Variants in IMPG2 observed in about 807,000 individuals in gnomAD.
IMPG2 encodes the protein IPM 200.
IMPG2 carries 91 observed loss-of-function variants against 129.2 expected under a neutral mutation model. That is an observed-to-expected ratio of 0.70 (90% CI 0.59 to 0.84). The LOEUF (loss-of-function observed/expected upper bound fraction) is 0.84. IMPG2 is among the 40% of genes least tolerant of loss of function. The pLI is 0.00. For missense variants in IMPG2, 1,430 were observed against 1,461.7 expected (o/e 0.98, Z 0.35); for synonymous variants, 510 against 517.7 (o/e 0.99, Z 0.20).
chr3:101,304,269 A>G lies in IMPG2; in HGVS notation c.378T>C (p.Asp126=). The G allele has an allele frequency of 6.2e-7, 1 of 1,613,956 alleles. No individual in the cohort carries two copies. The change falls in exon 3 of 19, where the codon GAT becomes GAC. Residue 126 remains aspartate, a synonymous_variant. Transcript: ENST00000193391. ...AVWEAFRTFW[D]RLPGREEYHY... is the part of the protein sequence containing the mutation. ...GATATTCCTCACGCCCAGGAAGTCG[A>G]TCCCAAAAAGTCCTGAAGGCTTCCC...
chr3:101,292,315 G>A (rs1707027150), intron 3 of IMPG2, among the ~76,000 whole-genome samples: 2 of 152,124 alleles, frequency 1.3e-5, no homozygotes. Flanking sequence ...TATATTACAG[G>A]TTTGGTTCCA....
chr3:101,242,939 C>G, intron 13 of IMPG2, 32 bp from the exon 14 acceptor site: 2 of 1,562,472 alleles, frequency 1.3e-6, no homozygotes, highest in Non-Finnish European at 1.8e-6. Context: ...AGTTTATTGA[C>G]AGCGTGTCAC....
At chr3:101,274,558 T>A (rs1372735604) in intron 6 of IMPG2, among the ~76,000 whole-genome samples, 1 of 152,198 alleles carries the variant, frequency 6.6e-6, no homozygotes, top group Non-Finnish European at 1.5e-5. Context: ...TTGGGCTTCA[T>A]TTTGAACCAG....
At chr3:101,277,203 A>G (rs1706848219) in intron 4 of IMPG2, among the ~76,000 whole-genome samples, 1 of 152,196 alleles carries the variant, frequency 6.6e-6, no homozygotes, top group Non-Finnish European at 1.5e-5. Flanking sequence ...AAGATGGTAA[A>G]GAACATTTCC....
At position 101,222,901 on chromosome 3, in the gene IMPG2, T is replaced by C. The variant is rs1706180349; in HGVS notation, c.*4068A>G. On this transcript the variant is annotated 3_prime_UTR_variant, in exon 19 of 19. Transcript: ENST00000193391. ...TTTTTTCTATATATAATCTTAATCT[T>C]TAAAGAAGTAATTAAACATGAGAAT... 1 of 152,172 alleles carries C rather than the reference T, an allele frequency of 6.6e-6. No individual in the cohort carries two copies. The highest frequency in any genetic ancestry group is 6.5e-5 in the Admixed American group (1 of 15,274). The allele number at this position is 152,172 out of a possible 1,614,324, so 9.4% of individuals were successfully genotyped here. A position where few individuals can be genotyped will look rare whatever the true frequency, so the allele number is the denominator to read the frequency against.
intron 2 of IMPG2, among the ~76,000 whole-genome samples, chr3:101,316,577 G>T (rs1000016014): frequency 1.3e-5 from 2 of 151,976 alleles, no homozygotes; most frequent in Non-Finnish European, 2.9e-5. Context: ...ACATCCACTG[G>T]AATGGCTAAA....
rs1377956580 is a variant in IMPG2, at chr3:101,275,525, A to G, written c.666+138T>C. 5 of 694,656 alleles carry G rather than the reference A, an allele frequency of 7.2e-6. No individual in the cohort carries two copies. In the Admixed American group the frequency reaches 1.1e-4, roughly 15 times the overall value. 43.0% of individuals were successfully genotyped at this position (694,656 alleles called of 1,614,324 possible). On this transcript the variant is annotated intron_variant, in intron 6 of 18. Coordinates refer to ENST00000193391, the MANE Select transcript of IMPG2 (RefSeq NM_016247.4). ...GGAATCTCAAAATTGTTTTTAATGTACTGGTTTTAGGATCCATGTCATTTT... is the reference window on the plus strand; with the variant it reads ...GGAATCTCAAAATTGTTTTTAATGTGCTGGTTTTAGGATCCATGTCATTTT...
At chr3:101,251,827 G>T (rs1393018626) in intron 11 of IMPG2, among the ~76,000 whole-genome samples, 1 of 151,920 alleles carries the variant, frequency 6.6e-6, no homozygotes, top group Non-Finnish European at 1.5e-5. Flanking sequence ...GATCTGGGGG[G>T]AAAAAACCCA....
chr3:101,244,879 G>A, intron 12 of IMPG2, 92 bp from the exon 13 acceptor site: 1 of 1,079,966 alleles, frequency 9.3e-7, no homozygotes, highest in Admixed American at 2.0e-5. Context: ...TTTTTTCCCT[G>A]TGAAGTTAAG....
At chr3:101,275,891 G>A (rs2107253145) in intron 5 of IMPG2, 146 bp from the exon 6 acceptor site, 1 of 683,232 alleles carries the variant, frequency 1.5e-6, no homozygotes, top group South Asian at 1.6e-5. Context: ...TCTAACCTCA[G>A]GACATATTTG....
chr3:101,229,304 C>CCCCCCCCCCCCCCCCCCCACCCCCCCA, intron 17 of IMPG2, 76 bp downstream of exon 17: 1 of 875,158 alleles, frequency 1.1e-6, no homozygotes, highest in Non-Finnish European at 1.9e-6. Flanking sequence ...ATACACACCC[C>CCCCCCCCCCCCCCCCCCCACCCCCCCA]CACCCACCAC....
At chr3:101,262,783 A>C (rs1285613933) in intron 9 of IMPG2, among the ~76,000 whole-genome samples, 3 of 150,874 alleles carry the variant, frequency 2.0e-5, no homozygotes, top group South Asian at 2.1e-4. Flanking sequence ...AAAAAAAAAA[A>C]CAAACTATAT....
chr3:101,288,577 A>G (rs1325576757), intron 4 of IMPG2, among the ~76,000 whole-genome samples: 1 of 152,182 alleles, frequency 6.6e-6, no homozygotes, highest in Non-Finnish European at 1.5e-5. Context: ...GGAGGCCATA[A>G]TCCTAAGTGA....
intron 2 of IMPG2, among the ~76,000 whole-genome samples, chr3:101,309,141 A>T (rs1707235112): frequency 6.6e-6 from 1 of 152,108 alleles, no homozygotes; most frequent in Non-Finnish European, 1.5e-5. Context: ...AACATTCAAC[A>T]AGTATCTAGG....
chr3:101,304,330 G>T lies in IMPG2; in HGVS notation c.335-18C>A, dbSNP rs1707167204. On this transcript the variant is annotated intron_variant, in intron 2 of 18. Coordinates refer to ENST00000193391, the MANE Select transcript of IMPG2 (RefSeq NM_016247.4). Reference sequence around the variant, plus strand: ...CTGACACACTAGAAAATAGAGAGGTGTTTTTTTACAAAAAGCTAACATGCT... The same window carrying T: ...CTGACACACTAGAAAATAGAGAGGTTTTTTTTTACAAAAAGCTAACATGCT... The T allele has an allele frequency of 4.3e-6, 7 of 1,612,454 alleles. No individual in the cohort carries two copies. The East Asian group carries it at 1.6e-4, about 36-fold the overall frequency.
chr3:101,229,510 G>C lies in IMPG2; in HGVS notation c.3503C>G (p.Ala1168Gly), dbSNP rs201519517. 4.6e-5 allele frequency: 75 copies of C among 1,613,728 alleles called. No homozygotes were observed. The highest frequency in any genetic ancestry group is 8.5e-6 in the Non-Finnish European group (10 of 1,180,010). Residue 1168 changes from alanine (A) to glycine (G), a missense_variant, in exon 17 of 19, where the codon GCT (alanine) becomes GGT (glycine). Transcript: ENST00000193391. ...GGGTCCCTCATACTTCTCACATCCA[G>C]CCCTGTGACTTTCATACACGGGGTT... is the stretch of plus-strand genomic sequence containing the variant. ...KYNPVYESHR[A>G]GCEKYEGPYP...
intron 9 of IMPG2, among the ~76,000 whole-genome samples, chr3:101,265,923 A>T (rs150676547): frequency 1.3e-5 from 2 of 152,322 alleles, no homozygotes; most frequent in Admixed American, 6.5e-5. Context: ...AAGAAAACAT[A>T]GAAATGGCCA....
chr3:101,298,499 T>C (rs900605085), intron 3 of IMPG2, among the ~76,000 whole-genome samples: 83 of 152,322 alleles, frequency 5.4e-4, no homozygotes, highest in African/African-American at 1.9e-3. Context: ...GTGTCATTGG[T>C]CTTTATATTT....
rs1443380017 is a variant in IMPG2 at position 101,244,004 on chromosome 3, A to G, written c.2327T>C (p.Ile776Thr). Residue 776 changes from isoleucine (I) to threonine (T), a missense_variant, in exon 13 of 19, where the codon ATA becomes ACA. Ile to Thr is a moderately conservative substitution (Grantham distance 89). Coordinates refer to ENST00000193391, the MANE Select transcript of IMPG2 (RefSeq NM_016247.4). ...CCAAACTCTCTCTGATTCTGGCAATATAGTCCACAAAGTTTGCATATCTGG... is the reference window on the plus strand; with the variant it reads ...CCAAACTCTCTCTGATTCTGGCAATGTAGTCCACAAAGTTTGCATATCTGG... ...VKPDMQTLWT[I>T]LPESERVWTR... 1.2e-6 allele frequency: 2 copies of G among 1,614,194 alleles called. No homozygotes were observed. The highest frequency in any genetic ancestry group is 2.7e-5 in the African/African-American group (2 of 75,070).
Sources: gnomAD v4.1 joint callset for allele counts (sites outside exome capture counted in the v4.1 genomes callset) on GRCh38, gnomAD v4.1.1 for gene constraint, MANE v1.5 for transcripts, NCBI Gene and HGNC (gene_info 2026-07-23, HGNC 2026-07-21) for gene names.